Variants in TIMP3 observed in about 807,000 individuals in gnomAD.
The protein encoded by TIMP3 is TIMP metallopeptidase inhibitor 3.
A neutral mutation model predicts 30.0 loss-of-function variants in TIMP3; 11 were observed. The observed-to-expected ratio is 0.37, with a 90% confidence interval of 0.23 to 0.61. The LOEUF (loss-of-function observed/expected upper bound fraction) is 0.61, where lower values mean the gene tolerates loss of function less well. Among genes scored for constraint, TIMP3 ranks in the 20% least tolerant of loss-of-function variants. TIMP3 has a pLI of 0.70. For missense variants in TIMP3, 181 were observed against 276.8 expected, an observed-to-expected ratio of 0.65 and a Z score of 2.45; for synonymous variants, 112 against 111.3, an observed-to-expected ratio of 1.01 and a Z score of -0.04.
intron 1 of TIMP3, among the ~76,000 whole-genome samples, chr22:32,820,353 C>CAT (rs1555971963): frequency 7.1e-6 from 1 of 141,694 alleles, no homozygotes; most frequent in Non-Finnish European, 1.5e-5. Flanking sequence ...CATTCCACTG[C>CAT]GTGTGTGTGT....
Position 32,860,914 on chromosome 22 carries a change from T to G in TIMP3, c.*1537T>G, listed in dbSNP as rs1445810143. ...AACCAGTTGTAGGGTTTCTGTTGTG[T>G]TTTTTTTTTTTTTTTTGAAATAAAA... On this transcript the variant is annotated 3_prime_UTR_variant, in exon 5 of 5. Coordinates refer to ENST00000266085, the MANE Select transcript of TIMP3 (RefSeq NM_000362.5). The G allele has an allele frequency of 1.5e-4, 4 of 27,226 alleles. No homozygotes were observed. Among genetic ancestry groups the G allele is most frequent in the East Asian group, 5.2e-4 (1 of 1,940 alleles). The allele number at this position is 27,226 out of a possible 1,614,324, so 1.7% of individuals were successfully genotyped here. A position where few individuals can be genotyped will look rare whatever the true frequency, so the allele number is the denominator to read the frequency against.
chr22:32,824,358 AT>A (rs130289), intron 1 of TIMP3, among the ~76,000 whole-genome samples: 135,434 of 148,960 alleles, frequency 0.91, 61,619 homozygotes, highest in Middle Eastern at 0.94. Context: ...ACAGATTACT[AT>A]TTTTTTTTTG....
At chr22:32,836,895 T>C (rs570221297) in intron 1 of TIMP3, among the ~76,000 whole-genome samples, 2 of 152,308 alleles carry the variant, frequency 1.3e-5, no homozygotes, top group South Asian at 2.1e-4. Flanking sequence ...AGAGCAGCCA[T>C]TGGCTCTTGT....
At chr22:32,806,587 G>T (rs1456109229) in intron 1 of TIMP3, among the ~76,000 whole-genome samples, 1 of 152,178 alleles carries the variant, frequency 6.6e-6, no homozygotes. Flanking sequence ...TCTGGGGCTT[G>T]TTGGCTGTGT....
intron 1 of TIMP3, among the ~76,000 whole-genome samples, chr22:32,824,292 A>AG: frequency 6.6e-6 from 1 of 150,718 alleles, no homozygotes; most frequent in Non-Finnish European, 1.5e-5. Context: ...AAAAAAAAAA[A>AG]TACAGTGCCA....
chr22:32,842,932 TC>T (rs1980649869), intron 1 of TIMP3, among the ~76,000 whole-genome samples: 1 of 152,188 alleles, frequency 6.6e-6, no homozygotes, highest in South Asian at 2.1e-4. Flanking sequence ...TGGGAGCTTA[TC>T]AAGGGTCCTT....
chr22:32,854,708 G>A (rs1472579338), intron 2 of TIMP3, among the ~76,000 whole-genome samples: 2 of 152,074 alleles, frequency 1.3e-5, no homozygotes, highest in African/African-American at 2.4e-5. Context: ...TACCCACCCC[G>A]CGCCCCCACC....
chr22:32,809,717 G>A (rs146571327), intron 1 of TIMP3, among the ~76,000 whole-genome samples: 17 of 152,258 alleles, frequency 1.1e-4, no homozygotes, highest in Non-Finnish European at 2.1e-4. Flanking sequence ...AATTATAGCC[G>A]AAAGCAAGGA....
intron 1 of TIMP3, among the ~76,000 whole-genome samples, chr22:32,828,824 G>C (rs949066891): frequency 3.9e-5 from 6 of 152,202 alleles, no homozygotes; most frequent in African/African-American, 1.4e-4. Flanking sequence ...AGCCAGCGGT[G>C]GGGAGGGGAG....
In TIMP3 at chr22:32,859,212, G is replaced by C. The variant is rs1167717738; in HGVS notation, c.471G>C (p.Val157=). The C allele has an allele frequency of 3.7e-6, 6 of 1,614,144 alleles. No individual in the cohort carries two copies. ...CCTGCTACTACCTGCCTTGCTTTGT[G>C]ACTTCCAAGAACGAGTGTCTCTGGA... is the stretch of plus-strand genomic sequence containing the variant. ...IKSCYYLPCF[V]TSKNECLWTD... Residue 157 remains valine (V), a synonymous_variant, in exon 5 of 5, where the codon GTG becomes GTC. Coordinates refer to ENST00000266085, the MANE Select transcript of TIMP3 (RefSeq NM_000362.5).
At chr22:32,855,056 T>C (rs1226894010) in intron 2 of TIMP3, among the ~76,000 whole-genome samples, 1 of 152,230 alleles carries the variant, frequency 6.6e-6, no homozygotes, top group Non-Finnish European at 1.5e-5. Flanking sequence ...GGTAAATTAA[T>C]ACCAAATGCC....
chr22:32,805,894 T>C (rs1156892183), intron 1 of TIMP3, among the ~76,000 whole-genome samples: 2 of 151,992 alleles, frequency 1.3e-5, no homozygotes, highest in African/African-American at 2.4e-5. Context: ...AATATGAAGA[T>C]AGCCAAAATG....
chr22:32,847,811 G>A (rs578095435), intron 1 of TIMP3, among the ~76,000 whole-genome samples: 53 of 152,282 alleles, frequency 3.5e-4, no homozygotes, highest in African/African-American at 1.3e-3. Flanking sequence ...AGGATCTCAG[G>A]GCTGAAGGAG....
intron 1 of TIMP3, among the ~76,000 whole-genome samples, chr22:32,818,536 C>A (rs2146040872): frequency 6.6e-6 from 1 of 152,280 alleles, no homozygotes; most frequent in Non-Finnish European, 1.5e-5. Flanking sequence ...ACTATTCAGA[C>A]TCTCGCTTTC....
chr22:32,806,889 AT>A (rs759934060), intron 1 of TIMP3, among the ~76,000 whole-genome samples: 2 of 151,852 alleles, frequency 1.3e-5, no homozygotes, highest in Admixed American at 6.6e-5. Flanking sequence ...CTTCCTATAC[AT>A]TTACATACAT....
At chr22:32,858,525 C>T (rs2048442842) in intron 4 of TIMP3, among the ~76,000 whole-genome samples, 1 of 152,146 alleles carries the variant, frequency 6.6e-6, no homozygotes, top group Admixed American at 6.5e-5. Flanking sequence ...GCTAACCCCA[C>T]CCCAGGTAGG....
chr22:32,858,362 G>A (rs2048436647), intron 4 of TIMP3, among the ~76,000 whole-genome samples: 2 of 152,200 alleles, frequency 1.3e-5, no homozygotes, highest in Admixed American at 1.3e-4. Flanking sequence ...GTAATCGGCT[G>A]CCTCCATGAT....
At chr22:32,803,716 G>A (rs990304925) in intron 1 of TIMP3, among the ~76,000 whole-genome samples, 2 of 152,202 alleles carry the variant, frequency 1.3e-5, no homozygotes, top group African/African-American at 4.8e-5. Flanking sequence ...TGCTGCAGCT[G>A]AGTTCTGGTT....
Position 32,859,161 on chromosome 22 carries a change from G to C in TIMP3, c.439-19G>C. On this transcript the variant is annotated intron_variant, in intron 4 of 4. Transcript: ENST00000266085. ...ACCATGGCAGAGTCCATCAACTGCT[G>C]CCTGTTATCTAATTGCAGATCAAGT... The C allele has an allele frequency of 6.2e-7, 1 of 1,614,062 alleles. No individual in the cohort carries two copies. Among genetic ancestry groups the C allele is most frequent in the East Asian group, 2.2e-5 (1 of 44,884 alleles).
Sources: gnomAD v4.1 joint callset for allele counts (sites outside exome capture counted in the v4.1 genomes callset) on GRCh38, gnomAD v4.1.1 for gene constraint, MANE v1.5 for transcripts, NCBI Gene and HGNC (gene_info 2026-07-23, HGNC 2026-07-21) for gene names.